The following SOX5 variants were observed in gnomAD, a reference collection of about 807,000 sequenced individuals.
SOX5 encodes the protein SRY-box transcription factor 5, also known as transcription factor SOX-5.
SOX5 carries 9 observed loss-of-function variants against 92.0 expected under a neutral mutation model. The ratio of observed to expected loss-of-function variants is 0.10; its 90% CI spans 0.06 to 0.17. The LOEUF is 0.17. Ranked by LOEUF, SOX5 falls within the 10% of genes least tolerant of loss-of-function variation. SOX5 has a pLI of 1.00. For missense variants in SOX5, 642 were observed against 944.5 expected (o/e 0.68, Z 4.20); for synonymous variants, 344 against 336.3 (o/e 1.02, Z -0.25).
chr12:23,903,594 T>C (rs2097260233), intron 1 of SOX5, among the ~76,000 whole-genome samples: 6 of 152,142 alleles, frequency 3.9e-5, no homozygotes, highest in Admixed American at 3.9e-4. Flanking sequence ...AAAAAAACTC[T>C]TTTAATTAAA....
At chr12:24,486,012 G>A (rs1401165016) in intron 1 of SOX5, among the ~76,000 whole-genome samples, 1 of 152,116 alleles carries the variant, frequency 6.6e-6, no homozygotes, top group Admixed American at 6.5e-5. Flanking sequence ...GAATGCAGTG[G>A]TTCCATCATA....
At chr12:24,344,372 T>A (rs1360218088) in intron 2 of SOX5, among the ~76,000 whole-genome samples, 2 of 150,274 alleles carry the variant, frequency 1.3e-5, no homozygotes, top group Non-Finnish European at 3.0e-5. Flanking sequence ...TTCCATGGAG[T>A]GCTCTCATTG....
intron 4 of SOX5, among the ~76,000 whole-genome samples, chr12:24,019,346 T>C (rs1954033221): frequency 6.6e-6 from 1 of 152,176 alleles, no homozygotes; most frequent in Non-Finnish European, 1.5e-5. Flanking sequence ...TACTCAAGGG[T>C]GGCCTACTAA....
chr12:23,821,136 T>C (rs1055127800), intron 3 of SOX5, among the ~76,000 whole-genome samples: 4 of 152,240 alleles, frequency 2.6e-5, no homozygotes, highest in African/African-American at 9.6e-5. Flanking sequence ...AAGAGGTCCA[T>C]CACATCCCTT....
intron 4 of SOX5, among the ~76,000 whole-genome samples, chr12:24,132,611 C>A (rs1022505917): frequency 6.6e-6 from 1 of 152,078 alleles, no homozygotes; most frequent in Admixed American, 6.6e-5. Flanking sequence ...TAAGAAGCAA[C>A]TCTAGGAAAC....
chr12:24,407,099 A>T (rs1209525403), intron 1 of SOX5, among the ~76,000 whole-genome samples: 2 of 152,104 alleles, frequency 1.3e-5, no homozygotes, highest in Admixed American at 1.3e-4. Context: ...ACAAAAAAAA[A>T]GGGTGGGGGA....
rs1363946348 is a variant in SOX5, at chr12:23,533,285, T to TTTCTC, written c.*929_*933dup. 2 of 406,386 alleles carry TTTCTC rather than the reference T, an allele frequency of 4.9e-6. No homozygotes were observed. Among genetic ancestry groups the TTTCTC allele is most frequent in the East Asian group, 1.5e-4 (2 of 13,312 alleles). The allele number at this position is 406,386 out of a possible 1,614,324, so 25.2% of individuals were successfully genotyped here. On this transcript the variant is annotated 3_prime_UTR_variant, in exon 15 of 15. Transcript: ENST00000451604. ...CAAAAATCCAAGATCAGAAAATATT[T>TTTCTC]TTCTCTAAATTTCTTATGTCTCTCT...
intron 7 of SOX5, among the ~76,000 whole-genome samples, chr12:23,655,266 C>T (rs1056809427): frequency 6.6e-6 from 1 of 151,966 alleles, no homozygotes; most frequent in Non-Finnish European, 1.5e-5. Flanking sequence ...TCTCCTTTTC[C>T]TTCTGTATTC....
chr12:23,585,433 A>G (rs1159886988), intron 9 of SOX5, among the ~76,000 whole-genome samples: 2 of 152,178 alleles, frequency 1.3e-5, no homozygotes, highest in East Asian at 1.9e-4. Flanking sequence ...CTAGGTCAGT[A>G]CATCCAAACT....
At chr12:24,268,423 T>TA (rs1386850241) in intron 3 of SOX5, among the ~76,000 whole-genome samples, 1 of 152,012 alleles carries the variant, frequency 6.6e-6, no homozygotes. Flanking sequence ...GAAAGTATAT[T>TA]AAAAAAAGGA....
chr12:23,825,847 T>G (rs146264693), intron 3 of SOX5, among the ~76,000 whole-genome samples: 132 of 152,302 alleles, frequency 8.7e-4, no homozygotes, highest in African/African-American at 3.0e-3. Context: ...TTCAAATAGT[T>G]TTAATTTAAA....
intron 1 of SOX5, among the ~76,000 whole-genome samples, chr12:23,908,716 G>T (rs1194869368): frequency 6.6e-6 from 1 of 151,900 alleles, no homozygotes; most frequent in African/African-American, 2.4e-5. Context: ...AAGTAAGGGT[G>T]CAGTGCCAAA....
At chr12:24,513,140 C>T (rs535233801) in intron 1 of SOX5, among the ~76,000 whole-genome samples, 2 of 152,334 alleles carry the variant, frequency 1.3e-5, no homozygotes, top group South Asian at 2.1e-4. Context: ...GGCTACAGTG[C>T]CCTGTGTTAC....
intron 1 of SOX5, among the ~76,000 whole-genome samples, chr12:23,911,917 C>A (rs769466100): frequency 6.6e-6 from 1 of 152,102 alleles, no homozygotes. Flanking sequence ...CGACACCAAA[C>A]ACACAAGTGA....
At chr12:24,159,395 C>G (rs1257965963) in intron 4 of SOX5, among the ~76,000 whole-genome samples, 5 of 151,914 alleles carry the variant, frequency 3.3e-5, no homozygotes, top group African/African-American at 1.2e-4. Flanking sequence ...TAATTTGAAT[C>G]TTAAGAAAAA....
In SOX5 at chr12:23,533,585, G is replaced by A. The variant is rs1368314700; in HGVS notation, c.*634C>T. ...TGCTTATTTTGTGGTGGATAGCAAGGAAGTTAAAAACAGGCTCTTTTTCCC... is the reference window on the plus strand; with the variant it reads ...TGCTTATTTTGTGGTGGATAGCAAGAAAGTTAAAAACAGGCTCTTTTTCCC... On this transcript the variant is annotated 3_prime_UTR_variant, in exon 15 of 15. Transcript: ENST00000451604. The A allele has an allele frequency of 3.9e-5, 6 of 154,212 alleles. No homozygotes were observed. Among genetic ancestry groups the A allele is most frequent in the Admixed American group, 3.9e-4 (6 of 15,446 alleles). 9.6% of individuals were successfully genotyped at this position (154,212 alleles called of 1,614,324 possible).
chr12:24,448,311 G>T (rs1941786074), intron 1 of SOX5, among the ~76,000 whole-genome samples: 1 of 152,130 alleles, frequency 6.6e-6, no homozygotes, highest in Non-Finnish European at 1.5e-5. Context: ...TAAGGAGTGA[G>T]GATTGGATTT....
At chr12:24,183,126 A>ACCCC (rs1467708569) in intron 4 of SOX5, among the ~76,000 whole-genome samples, 2 of 152,214 alleles carry the variant, frequency 1.3e-5, no homozygotes, top group African/African-American at 4.8e-5. Context: ...AGTACCAAAT[A>ACCCC]CAAGACAACC....
chr12:23,967,427 G>A (rs1490977817), intron 4 of SOX5, among the ~76,000 whole-genome samples: 1 of 151,256 alleles, frequency 6.6e-6, no homozygotes, highest in Non-Finnish European at 1.5e-5. Flanking sequence ...TCTTAATCTG[G>A]TGACAGCATA....
Sources: allele counts gnomAD v4.1 joint callset (sites outside exome capture counted in the v4.1 genomes callset), GRCh38; gene constraint gnomAD v4.1.1; transcripts MANE v1.5; gene names NCBI Gene and HGNC (gene_info 2026-07-23, HGNC 2026-07-21).